SEMA3E: variants seen among roughly 807,000 people sequenced by gnomAD.
SEMA3E encodes semaphorin 3E.
A neutral mutation model predicts 93.6 loss-of-function variants in SEMA3E; 49 were observed. The observed-to-expected ratio is 0.52, with a 90% CI of 0.42 to 0.66. SEMA3E has a LOEUF of 0.66. Among genes scored for constraint, SEMA3E ranks in the 30% least tolerant of loss-of-function variants. SEMA3E has a pLI of 0.00. For missense variants in SEMA3E, 906 were observed against 964.8 expected (o/e 0.94, Z 0.81); for synonymous variants, 363 against 330.7 (o/e 1.10, Z -1.06).
intron 1 of SEMA3E, among the ~76,000 whole-genome samples, chr7:83,530,172 G>A (rs1300544658): frequency 1.3e-5 from 2 of 152,062 alleles, no homozygotes; most frequent in Admixed American, 1.3e-4. Flanking sequence ...TAAGGTTCCT[G>A]CTACTACTCT....
intron 16 of SEMA3E, among the ~76,000 whole-genome samples, chr7:83,380,212 A>G (rs1243918428): frequency 1.3e-5 from 2 of 151,916 alleles, no homozygotes; most frequent in Non-Finnish European, 2.9e-5. Flanking sequence ...CAAATATGAA[A>G]TCCACTTAAT....
chr7:83,511,215 G>A (rs1790810628), intron 1 of SEMA3E, among the ~76,000 whole-genome samples: 1 of 151,212 alleles, frequency 6.6e-6, no homozygotes, highest in African/African-American at 2.4e-5. Flanking sequence ...TATAAATGGT[G>A]GCAGGACAAT....
intron 1 of SEMA3E, among the ~76,000 whole-genome samples, chr7:83,607,202 C>T (rs537682643): frequency 6.6e-6 from 1 of 152,310 alleles, no homozygotes; most frequent in Non-Finnish European, 1.5e-5. Context: ...AGTACAGATT[C>T]AACCAGTCAG....
intron 1 of SEMA3E, among the ~76,000 whole-genome samples, chr7:83,591,631 T>C (rs1425499795): frequency 6.6e-6 from 1 of 152,004 alleles, no homozygotes. Flanking sequence ...AAGAACCATA[T>C]AAAACTGCCA....
At chr7:83,453,288 C>T (rs1789401753) in intron 4 of SEMA3E, among the ~76,000 whole-genome samples, 1 of 152,016 alleles carries the variant, frequency 6.6e-6, no homozygotes, top group African/African-American at 2.4e-5. Flanking sequence ...CCTTGACTTC[C>T]CAAAGTGCTG....
At chr7:83,519,740 T>C (rs1791006502) in intron 1 of SEMA3E, among the ~76,000 whole-genome samples, 1 of 152,188 alleles carries the variant, frequency 6.6e-6, no homozygotes, top group Non-Finnish European at 1.5e-5. Context: ...GTGGAAGCTT[T>C]GTCTTATTTC....
intron 1 of SEMA3E, among the ~76,000 whole-genome samples, chr7:83,534,821 A>C (rs2115739559): frequency 6.6e-6 from 1 of 152,316 alleles, no homozygotes; most frequent in Non-Finnish European, 1.5e-5. Flanking sequence ...AAAGCCTGCC[A>C]ATTCTTTGTT....
intron 16 of SEMA3E, among the ~76,000 whole-genome samples, chr7:83,380,770 T>C (rs918012753): frequency 3.3e-5 from 5 of 152,004 alleles, no homozygotes; most frequent in Admixed American, 6.6e-5. Context: ...TATTTATTCA[T>C]GGCCTATTAA....
chr7:83,368,488 G>T (rs1431060553), intron 16 of SEMA3E, among the ~76,000 whole-genome samples: 1 of 152,136 alleles, frequency 6.6e-6, no homozygotes, highest in African/African-American at 2.4e-5. Context: ...ATGCCCTCCA[G>T]ATGGTAGTGA....
chr7:83,625,864 T>C (rs528511281), intron 1 of SEMA3E, among the ~76,000 whole-genome samples: 2 of 152,280 alleles, frequency 1.3e-5, no homozygotes, highest in East Asian at 3.9e-4. Flanking sequence ...GCTCTTATTA[T>C]TTTGAGATAC....
intron 4 of SEMA3E, among the ~76,000 whole-genome samples, chr7:83,425,180 G>A (rs1462799502): frequency 1.3e-5 from 2 of 151,416 alleles, no homozygotes; most frequent in Non-Finnish European, 2.9e-5. Context: ...AGAGGTGTCT[G>A]TTTTACTTTC....
At chr7:83,428,610 A>C (rs891322833) in intron 4 of SEMA3E, among the ~76,000 whole-genome samples, 6 of 152,152 alleles carry the variant, frequency 3.9e-5, no homozygotes, top group African/African-American at 1.4e-4. Flanking sequence ...AGCAATAAAA[A>C]TATTTATTAA....
At chr7:83,436,946 A>G in intron 4 of SEMA3E, among the ~76,000 whole-genome samples, 1 of 152,196 alleles carries the variant, frequency 6.6e-6, no homozygotes. Flanking sequence ...AGCAGAAGGC[A>G]AGGAGGAGCA....
intron 1 of SEMA3E, among the ~76,000 whole-genome samples, chr7:83,610,441 C>T (rs564215477): frequency 2.0e-5 from 3 of 151,850 alleles, no homozygotes; most frequent in Admixed American, 6.6e-5. Flanking sequence ...ACTTAATTGT[C>T]CCTTGAATTT....
At position 83,595,272 on chromosome 7, in the gene SEMA3E, A is replaced by T. The variant is rs150861577; in HGVS notation, c.115+53156T>A. On this transcript the variant is annotated intron_variant, in intron 1 of 16. Transcript: ENST00000643230. ...AATGCTTAAACAGCCGTTTTTCACA[A>T]TTCCATGACATATAAAATGGCTTCT... Among the ~76,000 whole-genome samples, 109 of 152,198 alleles carry T rather than the reference A, an allele frequency of 7.2e-4. 2 individuals carry two copies. The highest frequency in any genetic ancestry group is 5.8e-4 in the East Asian group (3 of 5,170).
At chr7:83,418,327 G>GTTGA in intron 5 of SEMA3E, 63 bp downstream of exon 5, 1 of 1,147,050 alleles carries the variant, frequency 8.7e-7, no homozygotes. Flanking sequence ...TGTAACTGAA[G>GTTGA]TTGAAATATA....
Position 83,419,756 on chromosome 7 carries a change from G to A in SEMA3E, c.457-1273C>T, listed in dbSNP as rs530203610. 4.3e-4 allele frequency among the ~76,000 whole-genome samples: 57 copies of A among 131,402 alleles called. No individual in the cohort carries two copies. In the South Asian group the frequency reaches 0.013, roughly 29 times the overall value. The allele number at this position is 131,402 out of a possible 152,430, so 86.2% of individuals were successfully genotyped here. A position where few individuals can be genotyped will look rare whatever the true frequency, so the allele number is the denominator to read the frequency against. The stretch of plus-strand genomic sequence containing the variant: ...TTAGAAGTACCTGTTTATATCCTTC[G>A]TCCACTCTTTAATGGGGTTATCATG... On this transcript the variant is annotated intron_variant, in intron 4 of 16. Coordinates refer to ENST00000643230, the MANE Select transcript of SEMA3E (RefSeq NM_012431.3).
chr7:83,460,005 T>A (rs1181493280), intron 4 of SEMA3E, among the ~76,000 whole-genome samples: 2 of 152,116 alleles, frequency 1.3e-5, no homozygotes, highest in African/African-American at 4.8e-5. Flanking sequence ...CCCACCCTTA[T>A]CTCCCTTCGC....
At chr7:83,443,911 G>C (rs1789171982) in intron 4 of SEMA3E, among the ~76,000 whole-genome samples, 1 of 85,022 alleles carries the variant, frequency 1.2e-5, no homozygotes, top group Non-Finnish European at 2.2e-5. Flanking sequence ...GTAAAATAAT[G>C]ACCTGATATA....
Sources: gnomAD v4.1 joint callset for allele counts (sites outside exome capture counted in the v4.1 genomes callset) on GRCh38, gnomAD v4.1.1 for gene constraint, MANE v1.5 for transcripts, NCBI Gene and HGNC (gene_info 2026-07-23, HGNC 2026-07-21) for gene names.